SHLD2: variants seen among roughly 807,000 people sequenced by gnomAD.
SHLD2 encodes RINN1-REV7-interacting novel NHEJ regulator 2.
In SHLD2, 30 loss-of-function variants were observed where a neutral mutation model predicts 73.2. The ratio of observed to expected loss-of-function variants is 0.41; its 90% CI spans 0.31 to 0.56. The LOEUF is 0.56. Ranked by LOEUF, SHLD2 falls within the 20% of genes least tolerant of loss-of-function variation. The pLI is 0.28. For synonymous variants in SHLD2, 285 were observed against 370.1 expected (o/e 0.77, Z 2.64); for missense variants, 745 against 1,055.9 (o/e 0.71, Z 4.08).
chr10:87,189,518 A>T (rs1383004531), intron 9 of SHLD2, among the ~76,000 whole-genome samples: 7 of 152,144 alleles, frequency 4.6e-5, no homozygotes, highest in Admixed American at 2.0e-4. Flanking sequence ...GTTTTAGTTT[A>T]TTGCAGTGAA....
intron 2 of SHLD2, among the ~76,000 whole-genome samples, chr10:87,139,515 A>G (rs1275002789): frequency 6.6e-6 from 1 of 152,168 alleles, no homozygotes; most frequent in Non-Finnish European, 1.5e-5. Flanking sequence ...TGATTGAATT[A>G]TCAGCCAAAT....
chr10:87,115,260 A>G (rs1222354560), intron 2 of SHLD2: 1 of 152,228 alleles, frequency 6.6e-6, no homozygotes, highest in African/African-American at 2.4e-5. Context: ...CATGCTGGCC[A>G]GGCTGGTCTC....
intron 2 of SHLD2, among the ~76,000 whole-genome samples, chr10:87,147,056 C>CAA (rs1237507855): frequency 1.6e-4 from 7 of 43,662 alleles, no homozygotes; most frequent in South Asian, 8.7e-4. Context: ...GACTCTGTCT[C>CAA]AAAAAAAAAA....
At chr10:87,099,778 C>T (rs954075794) in intron 2 of SHLD2, among the ~76,000 whole-genome samples, 3 of 152,240 alleles carry the variant, frequency 2.0e-5, no homozygotes, top group African/African-American at 7.2e-5. Context: ...AATTTCTCTA[C>T]TTCTTCACCA....
chr10:87,189,837 C>A (rs996436552), intron 9 of SHLD2, among the ~76,000 whole-genome samples: 1 of 152,024 alleles, frequency 6.6e-6, no homozygotes, highest in Non-Finnish European at 1.5e-5. Flanking sequence ...ATTCAAGATT[C>A]TTTTATATAA....
At position 87,111,085 on chromosome 10, in the gene SHLD2, G is replaced by C. The variant is rs1842889965; in HGVS notation, c.-6+14096G>C. The stretch of plus-strand genomic sequence containing the variant: ...TCTCGAACTCCTGACCTCGTGATCT[G>C]CCCACTGTGGCCTCCCAACGTGCTG... On this transcript the variant is annotated intron_variant, in intron 2 of 9. Coordinates refer to ENST00000298786, the MANE Select transcript of SHLD2 (RefSeq NM_001330112.2). 3.9e-5 allele frequency among the ~76,000 whole-genome samples: 6 copies of C among 152,088 alleles called. No individual in the cohort carries two copies. In the South Asian group the frequency reaches 1.2e-3, roughly 32 times the overall value.
At chr10:87,136,030 T>G (rs938933541) in intron 2 of SHLD2, among the ~76,000 whole-genome samples, 1 of 151,784 alleles carries the variant, frequency 6.6e-6, no homozygotes, top group African/African-American at 2.4e-5. Context: ...GGGCAAAGTG[T>G]CTATATAAAT....
chr10:87,162,830 G>C (rs1435223656), intron 4 of SHLD2, among the ~76,000 whole-genome samples: 1 of 152,166 alleles, frequency 6.6e-6, no homozygotes, highest in Non-Finnish European at 1.5e-5. Flanking sequence ...AGCACATTCT[G>C]TTGGCGCAAC....
chr10:87,106,082 G>T (rs972452392), intron 2 of SHLD2, among the ~76,000 whole-genome samples: 6 of 151,948 alleles, frequency 3.9e-5, no homozygotes, highest in Non-Finnish European at 8.8e-5. Flanking sequence ...CGGCTCACTG[G>T]AACCTCCGCC....
At chr10:87,139,401 G>A in intron 2 of SHLD2, among the ~76,000 whole-genome samples, 1 of 150,220 alleles carries the variant, frequency 6.7e-6, no homozygotes, top group Non-Finnish European at 1.5e-5. Context: ...ATTAATGAAA[G>A]ATTACTAGGC....
intron 2 of SHLD2, among the ~76,000 whole-genome samples, chr10:87,140,744 T>C (rs1381862517): frequency 1.3e-5 from 2 of 152,024 alleles, no homozygotes; most frequent in African/African-American, 4.8e-5. Context: ...TTTGGGATGC[T>C]GAGGCCTGGA....
chr10:87,190,706 C>T lies in SHLD2; in HGVS notation c.*23C>T. 12 of 1,585,626 alleles carry T rather than the reference C, an allele frequency of 7.6e-6. No homozygotes were observed. Among genetic ancestry groups the T allele is most frequent in the Non-Finnish European group, 8.7e-6 (10 of 1,156,030 alleles). On this transcript the variant is annotated 3_prime_UTR_variant, in exon 10 of 10. Transcript: ENST00000298786. ...TGAGGCCAGAGGAAGAAATTGCAGG[C>T]ATTTCAAGGAAGAAGTACTGAAATG...
intron 2 of SHLD2, among the ~76,000 whole-genome samples, chr10:87,126,347 T>C (rs905376023): frequency 6.6e-6 from 1 of 152,214 alleles, no homozygotes; most frequent in African/African-American, 2.4e-5. Flanking sequence ...CCCAAAGTGC[T>C]GGGATTACAG....
intron 2 of SHLD2, among the ~76,000 whole-genome samples, chr10:87,139,732 C>T (rs530139005): frequency 1.4e-4 from 22 of 151,942 alleles, no homozygotes; most frequent in Non-Finnish European, 2.6e-4. Context: ...GGCTGAGGCA[C>T]GAGAATTGCT....
At chr10:87,117,411 C>CG (rs1843321916) in intron 2 of SHLD2, among the ~76,000 whole-genome samples, 2 of 152,286 alleles carry the variant, frequency 1.3e-5, no homozygotes, top group South Asian at 4.1e-4. Context: ...GAGTGAAACT[C>CG]AGTCTTAAAC....
chr10:87,124,954 G>A (rs1843889668), intron 2 of SHLD2, among the ~76,000 whole-genome samples: 1 of 151,976 alleles, frequency 6.6e-6, no homozygotes, highest in African/African-American at 2.4e-5. Flanking sequence ...ATGTTGGCAG[G>A]CTGGTCTCTA....
intron 2 of SHLD2, among the ~76,000 whole-genome samples, chr10:87,147,081 A>G (rs11499005): frequency 6.7e-6 from 1 of 150,008 alleles, no homozygotes; most frequent in African/African-American, 2.4e-5. Flanking sequence ...AGAAAAAAAA[A>G]AAAAAAACAA....
chr10:87,094,692 C>T (rs905076872), upstream of SHLD2: 2 of 1,498,904 alleles, frequency 1.3e-6, no homozygotes, highest in Admixed American at 2.2e-5. This position sits in a 1 kb window ranked among gnomAD's most constrained non-coding sequence, Gnocchi z 6.6. Flanking sequence ...GCAACGCGGC[C>T]GAGTCGGCGG....
At chr10:87,146,275 C>CT (rs1327149740) in intron 2 of SHLD2, among the ~76,000 whole-genome samples, 2 of 152,054 alleles carry the variant, frequency 1.3e-5, no homozygotes, top group African/African-American at 4.8e-5. Context: ...TGTAAACTTT[C>CT]TTAAAACATT....
Sources: allele counts gnomAD v4.1 joint callset (sites outside exome capture counted in the v4.1 genomes callset), GRCh38; gene constraint gnomAD v4.1.1; non-coding constraint Gnocchi (gnomAD v3.1); transcripts MANE v1.5; gene names NCBI Gene and HGNC (gene_info 2026-07-23, HGNC 2026-07-21).